RUBCN: variants seen among roughly 807,000 people sequenced by gnomAD.
The protein encoded by RUBCN is run domain Beclin-1-interacting and cysteine-rich domain-containing protein.
In RUBCN, 74 loss-of-function variants were observed where a neutral mutation model predicts 113.2. That is an observed-to-expected ratio of 0.65 (90% CI 0.54 to 0.79). RUBCN has a LOEUF of 0.79. Among genes scored for constraint, RUBCN ranks in the 30% least tolerant of loss-of-function variants. The pLI, the probability that RUBCN is intolerant of heterozygous loss-of-function variation, is 0.00. For synonymous variants in RUBCN, 480 were observed against 490.0 expected (o/e 0.98, Z 0.27); for missense variants, 1,109 against 1,251.7 (o/e 0.89, Z 1.72).
upstream of RUBCN, among the ~76,000 whole-genome samples, chr3:197,740,788 T>TG (rs1389409855): frequency 8.6e-5 from 13 of 151,788 alleles, no homozygotes; most frequent in African/African-American, 2.9e-4. Flanking sequence ...GCCCAGTTAG[T>TG]TTTTATATTT....
intron 7 of RUBCN, chr3:197,699,334 G>A: frequency 1.2e-6 from 1 of 809,538 alleles, no homozygotes; most frequent in Non-Finnish European, 2.0e-6. Flanking sequence ...AAGTGGGGAT[G>A]GAACTCCCAA....
intron 1 of RUBCN, among the ~76,000 whole-genome samples, chr3:197,735,235 A>G (rs560096064): frequency 6.6e-6 from 1 of 152,282 alleles, no homozygotes; most frequent in East Asian, 1.9e-4. Flanking sequence ...TGTCTCTACA[A>G]AAAAGTTTTT....
In RUBCN at chr3:197,685,077, A is replaced by T. The variant is rs1054092876; in HGVS notation, c.1787-860T>A. On this transcript the variant is annotated intron_variant, in intron 11 of 19. Coordinates refer to ENST00000296343, the MANE Select transcript of RUBCN (RefSeq NM_014687.4). ...ACATGACCTCTGAGGCTAGCTATAC[A>T]GGAAACTGTGGCAGACTTTCCATAG... is the stretch of plus-strand genomic sequence containing the variant. Among the ~76,000 whole-genome samples, 17 of 152,360 alleles carry T rather than the reference A, an allele frequency of 1.1e-4. No homozygotes were observed. In the East Asian group the frequency reaches 1.3e-3, roughly 12 times the overall value.
intron 1 of RUBCN, among the ~76,000 whole-genome samples, chr3:197,731,136 CTGCGGCCTTCCGCAG>C (rs1727412067): frequency 6.6e-6 from 1 of 151,594 alleles, no homozygotes; most frequent in Non-Finnish European, 1.5e-5. Flanking sequence ...GCAGAGGACC[CTGCGGCCTTCCGCAG>C]TGTTTGTGTC....
intron 2 of RUBCN, 104 bp downstream of exon 2, chr3:197,717,873 C>T (rs1163966870): frequency 8.0e-7 from 1 of 1,243,598 alleles, no homozygotes; most frequent in Admixed American, 1.7e-5. Flanking sequence ...CAGCTGCTCT[C>T]AGGAGTCCAC....
intron 4 of RUBCN, among the ~76,000 whole-genome samples, chr3:197,703,950 C>T (rs527443526): frequency 6.6e-6 from 1 of 152,276 alleles, no homozygotes; most frequent in East Asian, 1.9e-4. Flanking sequence ...ACTCTCGGGG[C>T]TGCTGTGAAG....
intron 1 of RUBCN, among the ~76,000 whole-genome samples, chr3:197,731,979 G>A (rs1240511622): frequency 6.6e-6 from 1 of 152,252 alleles, no homozygotes; most frequent in Non-Finnish European, 1.5e-5. Flanking sequence ...CTTACATATG[G>A]GAAATAGAGA....
chr3:197,736,555 G>A, intron 1 of RUBCN, 100 bp downstream of exon 1: 1 of 1,142,306 alleles, frequency 8.8e-7, no homozygotes, highest in Non-Finnish European at 1.2e-6. Context: ...CTCAAGACTC[G>A]TCGCGCCCGG....
At chr3:197,685,279 A>T (rs1161636968) in intron 11 of RUBCN, among the ~76,000 whole-genome samples, 1 of 152,196 alleles carries the variant, frequency 6.6e-6, no homozygotes, top group Non-Finnish European at 1.5e-5. Context: ...GACTGTTCTG[A>T]TAAATACTCT....
upstream of RUBCN, among the ~76,000 whole-genome samples, chr3:197,741,753 G>A (rs1449668881): frequency 2.6e-5 from 4 of 151,744 alleles, no homozygotes; most frequent in Admixed American, 6.6e-5. Context: ...AACCCAGGAG[G>A]TGGACATTGC....
At chr3:197,710,850 G>A (rs977701719) in intron 2 of RUBCN, among the ~76,000 whole-genome samples, 1 of 150,972 alleles carries the variant, frequency 6.6e-6, no homozygotes, top group South Asian at 2.1e-4. Context: ...ATGGAGTCTT[G>A]CTCTGTCGCC....
intron 1 of RUBCN, among the ~76,000 whole-genome samples, chr3:197,734,780 T>C (rs1727930339): frequency 6.6e-6 from 1 of 152,168 alleles, no homozygotes; most frequent in South Asian, 2.1e-4. Flanking sequence ...GTCACAGACA[T>C]CTGCAGGAAG....
upstream of RUBCN, among the ~76,000 whole-genome samples, chr3:197,740,400 CGGA>C (rs892512420): frequency 6.6e-6 from 1 of 150,542 alleles, no homozygotes; most frequent in African/African-American, 2.4e-5. Context: ...ACCTGGGAGG[CGGA>C]GGTTGCAGTG....
intron 1 of RUBCN, among the ~76,000 whole-genome samples, chr3:197,747,121 T>G (rs1404089451): frequency 6.6e-6 from 1 of 152,134 alleles, no homozygotes; most frequent in Non-Finnish European, 1.5e-5. Context: ...TCTTTATTTT[T>G]ACTGTGTGTG....
At chr3:197,694,313 A>G (rs1218389207) in intron 10 of RUBCN, 62 bp downstream of exon 10, 6 of 1,435,054 alleles carry the variant, frequency 4.2e-6, no homozygotes, top group Admixed American at 3.3e-5. Flanking sequence ...TGGTTTGGGC[A>G]CCAGGCCTTA....
intron 2 of RUBCN, among the ~76,000 whole-genome samples, chr3:197,708,690 C>T (rs1328121303): frequency 6.6e-6 from 1 of 152,104 alleles, no homozygotes; most frequent in East Asian, 1.9e-4. Flanking sequence ...ACTTTTACTC[C>T]CACCAATTGA....
intron 12 of RUBCN, 106 bp downstream of exon 12, chr3:197,684,051 T>C (rs1412291511): frequency 2.3e-5 from 21 of 895,726 alleles, no homozygotes; most frequent in South Asian, 9.4e-5. Context: ...CCTCGCCTCC[T>C]CTTACATCTG....
chr3:197,675,087 G>A lies in RUBCN; in HGVS notation c.2850C>T (p.Tyr950=), dbSNP rs776579018. Residue 950 remains tyrosine (Y), a synonymous_variant, in exon 20 of 20, where the codon TAC becomes TAT. Transcript: ENST00000296343. This position sits in a 1 kb window ranked among gnomAD's most constrained non-coding sequence, Gnocchi z 4.4. Reference sequence around the variant, plus strand: ...CGGGCTCCTCCTCGTAGTCTGACAGGTAAGACTCCAGGCTCTGCCTGGCCA... The same window carrying A: ...CGGGCTCCTCCTCGTAGTCTGACAGATAAGACTCCAGGCTCTGCCTGGCCA... ...EALARQSLES[Y]LSDYEEEPAE... is the part of the protein sequence containing the mutation. The A allele has an allele frequency of 1.2e-6, 2 of 1,613,486 alleles. No individual in the cohort carries two copies. Among genetic ancestry groups the A allele is most frequent in the Admixed American group, 1.7e-5 (1 of 60,024 alleles).
At chr3:197,737,892 C>CT (rs1307488321), upstream of RUBCN, among the ~76,000 whole-genome samples, 1 of 152,186 alleles carries the variant, frequency 6.6e-6, no homozygotes, top group South Asian at 2.1e-4. Context: ...TCTGGTTTCT[C>CT]TTTTTTCTTT....
Sources: gnomAD v4.1 joint callset for allele counts (sites outside exome capture counted in the v4.1 genomes callset) on GRCh38, gnomAD v4.1.1 for gene constraint, Gnocchi (gnomAD v3.1) non-coding constraint, MANE v1.5 for transcripts, NCBI Gene and HGNC (gene_info 2026-07-23, HGNC 2026-07-21) for gene names.